CCDC192: variants seen among roughly 807,000 people sequenced by gnomAD.
CCDC192 encodes coiled-coil domain containing 192.
At chr5:127,798,678 G>C (rs866664640) in intron 5 of CCDC192, among the ~76,000 whole-genome samples, 9 of 151,742 alleles carry the variant, frequency 5.9e-5, no homozygotes, top group Non-Finnish European at 1.2e-4. Flanking sequence ...CCAGTCTTCA[G>C]GACACACGTT....
chr5:127,797,396 G>C (rs1468345727), intron 4 of CCDC192, among the ~76,000 whole-genome samples, 162 bp downstream of exon 4: 1 of 151,894 alleles, frequency 6.6e-6, no homozygotes, highest in African/African-American at 2.4e-5. Context: ...TTATTCCCTG[G>C]CAAATATTGA....
intron 3 of CCDC192, among the ~76,000 whole-genome samples, chr5:127,772,927 G>T (rs1465677045): frequency 6.6e-6 from 1 of 152,176 alleles, no homozygotes; most frequent in Non-Finnish European, 1.5e-5. Context: ...GAAGGTGAGG[G>T]AATAGCTATC....
intron 2 of CCDC192, among the ~76,000 whole-genome samples, chr5:127,753,014 G>C (rs1754318600): frequency 6.6e-6 from 1 of 152,172 alleles, no homozygotes; most frequent in Non-Finnish European, 1.5e-5. Flanking sequence ...CCACTGTCTG[G>C]CACTCCCTAG....
intron 5 of CCDC192, among the ~76,000 whole-genome samples, chr5:127,817,054 A>G (rs1241898353): frequency 2.0e-5 from 3 of 152,238 alleles, no homozygotes; most frequent in African/African-American, 4.8e-5. Flanking sequence ...CATATTGTTA[A>G]CATTTTTCTT....
chr5:127,927,577 C>A (rs1486903077), intron 6 of CCDC192, among the ~76,000 whole-genome samples: 1 of 152,162 alleles, frequency 6.6e-6, no homozygotes, highest in Non-Finnish European at 1.5e-5. Flanking sequence ...AATTTTATTT[C>A]CTATTTAAAA....
At chr5:127,763,233 A>G (rs570455783) in intron 3 of CCDC192, among the ~76,000 whole-genome samples, 39 of 152,286 alleles carry the variant, frequency 2.6e-4, no homozygotes, top group African/African-American at 8.7e-4. Flanking sequence ...CCAAAATTCA[A>G]CTTACCTGCT....
chr5:127,779,817 T>G (rs1374092099), intron 3 of CCDC192, among the ~76,000 whole-genome samples: 1 of 152,144 alleles, frequency 6.6e-6, no homozygotes, highest in Non-Finnish European at 1.5e-5. Flanking sequence ...TTTTTGAGAT[T>G]TTGGTGCACC....
intron 2 of CCDC192, among the ~76,000 whole-genome samples, chr5:127,729,499 T>C (rs184367584): frequency 6.6e-6 from 1 of 152,310 alleles, no homozygotes; most frequent in Admixed American, 6.5e-5. Context: ...GGACTTGAAC[T>C]CAGCTCTGAA....
intron 5 of CCDC192, among the ~76,000 whole-genome samples, chr5:127,861,471 A>G (rs187556569): frequency 6.6e-6 from 1 of 151,866 alleles, no homozygotes; most frequent in African/African-American, 2.4e-5. Flanking sequence ...CCCAGCCAAC[A>G]TAGCAAAGCC....
intron 2 of CCDC192, among the ~76,000 whole-genome samples, chr5:127,737,280 C>G (rs987445696): frequency 1.3e-5 from 2 of 152,008 alleles, no homozygotes; most frequent in African/African-American, 4.8e-5. Context: ...TTTGATTGCA[C>G]TGTGGTCTGA....
At chr5:127,770,086 A>AT (rs1337724309) in intron 3 of CCDC192, among the ~76,000 whole-genome samples, 1 of 152,124 alleles carries the variant, frequency 6.6e-6, no homozygotes, top group East Asian at 1.9e-4. Flanking sequence ...GAACCAATTT[A>AT]TTTTTTATTT....
At chr5:127,759,943 T>G (rs1385729675) in intron 3 of CCDC192, among the ~76,000 whole-genome samples, 1 of 152,184 alleles carries the variant, frequency 6.6e-6, no homozygotes. Context: ...GTCCATTATC[T>G]GATTTTGTAC....
chr5:127,775,648 T>G lies in CCDC192; in HGVS notation c.222+21273T>G, dbSNP rs73345043. Among the ~76,000 whole-genome samples the G allele has an allele frequency of 5.5e-3, 840 of 152,280 alleles. 3 individuals carry two copies. The highest frequency in any genetic ancestry group is 0.018 in the African/African-American group (767 of 41,566). The stretch of plus-strand genomic sequence containing the variant: ...GGTGTATAGAAACATAAACTGACTT[T>G]TGTGTGTTTATCTTTGATGTGGTTT... On this transcript the variant is annotated intron_variant, in intron 3 of 6. Coordinates refer to ENST00000514853, the MANE Select transcript of CCDC192 (RefSeq NM_001317938.2).
At chr5:127,751,451 C>A (rs545323640) in intron 2 of CCDC192, among the ~76,000 whole-genome samples, 1 of 152,128 alleles carries the variant, frequency 6.6e-6, no homozygotes, top group Non-Finnish European at 1.5e-5. Context: ...CCCCCACTCT[C>A]TTCTGGCTTG....
At chr5:127,791,961 G>A (rs186381173) in intron 3 of CCDC192, among the ~76,000 whole-genome samples, 28 of 152,296 alleles carry the variant, frequency 1.8e-4, no homozygotes, top group Non-Finnish European at 2.9e-4. Flanking sequence ...AGGAAAATCA[G>A]GAGAATGATG....
intron 5 of CCDC192, among the ~76,000 whole-genome samples, chr5:127,859,982 G>T: frequency 6.6e-6 from 1 of 151,880 alleles, no homozygotes; most frequent in East Asian, 1.9e-4. Context: ...AGTTTTGTGC[G>T]TACTGGAATG....
At chr5:127,744,093 C>CA (rs35375542) in intron 2 of CCDC192, among the ~76,000 whole-genome samples, 3,736 of 48,872 alleles carry the variant, frequency 0.076, 124 homozygotes, top group African/African-American at 0.12. Flanking sequence ...GACTCCGTCT[C>CA]AAAAAAAAAA....
At chr5:127,931,430 A>C (rs1315564068) in intron 6 of CCDC192, among the ~76,000 whole-genome samples, 2 of 152,334 alleles carry the variant, frequency 1.3e-5, no homozygotes, top group South Asian at 4.1e-4. Context: ...GGATGCATTC[A>C]ATCAGCTAGT....
chr5:127,827,969 C>T lies in CCDC192; in HGVS notation c.411+29807C>T, dbSNP rs181267714. 5.3e-3 allele frequency among the ~76,000 whole-genome samples: 810 copies of T among 152,182 alleles called. 12 individuals are homozygous for T. The highest frequency in any genetic ancestry group is 0.019 in the African/African-American group (779 of 41,516). ...TTGCCCAGACTGGAGTGCAGTGGCG[C>T]GATCTCTGCTCACTGCAACCTCTGC... On this transcript the variant is annotated intron_variant, in intron 5 of 6. Transcript: ENST00000514853.
Sources: allele counts gnomAD v4.1 joint callset (sites outside exome capture counted in the v4.1 genomes callset), GRCh38; gene constraint gnomAD v4.1.1; transcripts MANE v1.5; gene names NCBI Gene and HGNC (gene_info 2026-07-23, HGNC 2026-07-21).